Variants in FANCL observed in about 807,000 individuals in gnomAD.
FANCL encodes FA complementation group L, also known as E3 ubiquitin-protein ligase FANCL.
In FANCL, 69 loss-of-function variants were observed where a neutral mutation model predicts 59.4. The observed-to-expected ratio is 1.16, with a 90% CI of 0.96 to 1.42. FANCL has a LOEUF of 1.42. Ranked by LOEUF, FANCL falls within the 40% of genes most tolerant of loss-of-function variation. The pLI, the probability that FANCL is intolerant of heterozygous loss-of-function variation, is 0.00. For synonymous variants in FANCL, 180 were observed against 147.1 expected, an observed-to-expected ratio of 1.22 and a Z score of -1.62; for missense variants, 519 against 447.2, an observed-to-expected ratio of 1.16 and a Z score of -1.45.
At chr2:58,230,548 C>T (rs1693482109) in intron 2 of FANCL, among the ~76,000 whole-genome samples, 1 of 152,162 alleles carries the variant, frequency 6.6e-6, no homozygotes, top group Non-Finnish European at 1.5e-5. Flanking sequence ...CTCTGTTGTG[C>T]TCCCGATACT....
At chr2:58,240,882 G>A (rs1279553894) in intron 1 of FANCL, among the ~76,000 whole-genome samples, 2 of 152,084 alleles carry the variant, frequency 1.3e-5, no homozygotes, top group African/African-American at 4.8e-5. Context: ...ATCGAGTTAA[G>A]GCAAAATTTA....
intron 11 of FANCL, 32 bp from the exon 12 acceptor site, chr2:58,161,670 T>C (rs1445780282): frequency 7.2e-7 from 1 of 1,383,048 alleles, no homozygotes; most frequent in Non-Finnish European, 1.0e-6. Context: ...AAAAAGCGTA[T>C]GTGTCTCACT....
At chr2:58,240,530 G>T (rs2104059759) in intron 1 of FANCL, among the ~76,000 whole-genome samples, 1 of 152,292 alleles carries the variant, frequency 6.6e-6, no homozygotes, top group Non-Finnish European at 1.5e-5. Context: ...CTAGAAAATG[G>T]GAATGATGAT....
chr2:58,204,991 A>T (rs1690445518), intron 5 of FANCL, among the ~76,000 whole-genome samples: 1 of 152,062 alleles, frequency 6.6e-6, no homozygotes, highest in Non-Finnish European at 1.5e-5. Context: ...AAAAGGTTCA[A>T]ATTTAGCAGT....
At chr2:58,236,602 C>G (rs568395296) in intron 1 of FANCL, among the ~76,000 whole-genome samples, 17 of 152,008 alleles carry the variant, frequency 1.1e-4, no homozygotes, top group African/African-American at 4.1e-4. Context: ...AGAAAACACA[C>G]AGCAAGAGTA....
chr2:58,212,100 C>T (rs113438899), intron 5 of FANCL, among the ~76,000 whole-genome samples: 2,995 of 152,254 alleles, frequency 0.02, 114 homozygotes, highest in African/African-American at 0.069. Flanking sequence ...TAAAGACATA[C>T]CCAAGATTGG....
intron 5 of FANCL, among the ~76,000 whole-genome samples, chr2:58,207,801 A>T (rs1279406261): frequency 6.6e-6 from 1 of 152,176 alleles, no homozygotes; most frequent in Non-Finnish European, 1.5e-5. Context: ...ACTCATGCCT[A>T]TAATCCCAGC....
chr2:58,197,023 C>A (rs1288180969), intron 7 of FANCL, among the ~76,000 whole-genome samples: 9 of 150,970 alleles, frequency 6.0e-5, no homozygotes, highest in Admixed American at 2.0e-4. Context: ...AATTCCAATT[C>A]TTTAATAGAA....
intron 7 of FANCL, among the ~76,000 whole-genome samples, chr2:58,173,956 T>C: frequency 6.6e-6 from 1 of 151,266 alleles, no homozygotes; most frequent in East Asian, 2.0e-4. Context: ...ACCAAGCAAA[T>C]GGAAAACAAA....
chr2:58,160,616 A>G (rs1455928561), intron 12 of FANCL, among the ~76,000 whole-genome samples: 1 of 152,042 alleles, frequency 6.6e-6, no homozygotes, highest in African/African-American at 2.4e-5. Flanking sequence ...CTGAATCACT[A>G]ACAGTGGGTT....
chr2:58,192,934 A>G (rs555902152), intron 7 of FANCL, among the ~76,000 whole-genome samples: 1 of 152,126 alleles, frequency 6.6e-6, no homozygotes, highest in South Asian at 2.1e-4. Flanking sequence ...AAAATAAAAC[A>G]TTTTAAAAAA....
intron 7 of FANCL, among the ~76,000 whole-genome samples, chr2:58,186,461 G>A (rs908636262): frequency 2.6e-5 from 4 of 152,170 alleles, no homozygotes; most frequent in Non-Finnish European, 4.4e-5. Context: ...GGAACGAAGA[G>A]TGGGGACTGG....
chr2:58,170,274 T>A (rs745748447), intron 7 of FANCL, among the ~76,000 whole-genome samples: 25 of 152,276 alleles, frequency 1.6e-4, no homozygotes, highest in Non-Finnish European at 2.9e-4. Context: ...GAATTTCCTA[T>A]CCCGCCAAAC....
chr2:58,208,053 T>C (rs553220244), intron 5 of FANCL, among the ~76,000 whole-genome samples: 24 of 152,308 alleles, frequency 1.6e-4, no homozygotes, highest in Non-Finnish European at 2.9e-4. Flanking sequence ...ACAGAGACCA[T>C]GTCACTAAAT....
At chr2:58,175,446 G>C (rs1056434671) in intron 7 of FANCL, among the ~76,000 whole-genome samples, 1 of 151,444 alleles carries the variant, frequency 6.6e-6, no homozygotes, top group Admixed American at 6.5e-5. Context: ...ATGATCAAGT[G>C]GGCTTCATCC....
rs533110817 is a variant in FANCL at position 58,180,797 on chromosome 2, G to T, written c.541-14923C>A. Among the ~76,000 whole-genome samples the T allele has an allele frequency of 4.9e-4, 74 of 151,910 alleles. 1 individual carries two copies. The highest frequency in any genetic ancestry group is 1.0e-3 in the Non-Finnish European group (68 of 67,942). On this transcript the variant is annotated intron_variant, in intron 7 of 13. Transcript: ENST00000233741. ...ATCTCACCAGAGCTACTGTGCCATT[G>T]TTTAAAGGTTTTTTGTGTGTGTGTG...
intron 4 of FANCL, among the ~76,000 whole-genome samples, chr2:58,226,497 G>T (rs1457078558): frequency 7.2e-5 from 11 of 152,100 alleles, no homozygotes; most frequent in Admixed American, 5.9e-4. Context: ...CAACACTAGT[G>T]TCAAGAATAC....
At chr2:58,228,837 T>C (rs72810396) in intron 3 of FANCL, among the ~76,000 whole-genome samples, 11,513 of 152,198 alleles carry the variant, frequency 0.076, 800 homozygotes, top group African/African-American at 0.18. Flanking sequence ...AACTTGCTGG[T>C]GAAAAACAGA....
chr2:58,190,830 T>C (rs574441642), intron 7 of FANCL, among the ~76,000 whole-genome samples: 30 of 152,038 alleles, frequency 2.0e-4, no homozygotes, highest in Admixed American at 3.9e-4. Flanking sequence ...CAATTCTATA[T>C]CTATCTAATA....
Sources: gnomAD v4.1 joint callset for allele counts (sites outside exome capture counted in the v4.1 genomes callset) on GRCh38, gnomAD v4.1.1 for gene constraint, MANE v1.5 for transcripts, NCBI Gene and HGNC (gene_info 2026-07-23, HGNC 2026-07-21) for gene names.